Variants in ANK3 observed in about 807,000 individuals in gnomAD.
ANK3 encodes the protein ankyrin-3.
ANK3 carries 57 observed loss-of-function variants against 370.9 expected under a neutral mutation model. That is an observed-to-expected ratio of 0.15 (90% CI 0.12 to 0.19). The LOEUF is 0.19. ANK3 is among the 10% of genes least tolerant of loss of function. ANK3 has a pLI of 1.00. For missense variants in ANK3, 4,439 were observed against 5,302.1 expected (o/e 0.84, Z 5.06); for synonymous variants, 1,929 against 1,946.3 (o/e 0.99, Z 0.23).
chr10:60,036,422 ATTTTTTTTTTTTTTTTT>A (rs563946588), intron 43 of ANK3, among the ~76,000 whole-genome samples: 5 of 72,310 alleles, frequency 6.9e-5, no homozygotes, highest in African/African-American at 1.4e-4. Flanking sequence ...GTCAGAGGCA[ATTTTTTTTTTTTTTTTT>A]TTTTTTTTTT....
At chr10:60,715,214 A>AGTGT (rs2079766581) in intron 1 of ANK3, among the ~76,000 whole-genome samples, 2 of 44,176 alleles carry the variant, frequency 4.5e-5, no homozygotes, top group African/African-American at 1.7e-4. Flanking sequence ...TACATATACA[A>AGTGT]ATGTGTGTGT....
chr10:60,350,116 G>A (rs560721583), intron 1 of ANK3, among the ~76,000 whole-genome samples: 1 of 152,322 alleles, frequency 6.6e-6, no homozygotes, highest in East Asian at 1.9e-4. Flanking sequence ...ATAATGCTTT[G>A]TCCTTGATTT....
At chr10:60,425,181 G>T (rs145281522) in intron 2 of ANK3, among the ~76,000 whole-genome samples, 41 of 152,156 alleles carry the variant, frequency 2.7e-4, no homozygotes, top group African/African-American at 7.7e-4. Context: ...AGGTAGGAAG[G>T]CTGCATTGTT....
Position 60,042,678 on chromosome 10 carries a change from T to C in ANK3, c.*13A>G. 1 of 1,613,918 alleles carries C rather than the reference T, an allele frequency of 6.2e-7. No homozygotes were observed. The highest frequency in any genetic ancestry group is 8.5e-7 in the Non-Finnish European group (1 of 1,179,906). On this transcript the variant is annotated 3_prime_UTR_variant, in exon 43 of 44. Coordinates refer to ENST00000280772, the MANE Select transcript of ANK3 (RefSeq NM_020987.5). The stretch of plus-strand genomic sequence containing the variant: ...TGATATGAACACACCTCACCTTGAC[T>C]GACCGTTCGCTGTTACGAGTGGCTC...
chr10:60,560,066 T>C, intron 2 of ANK3, among the ~76,000 whole-genome samples: 1 of 150,194 alleles, frequency 6.7e-6, no homozygotes, highest in East Asian at 1.9e-4. Flanking sequence ...GATAGATGGA[T>C]AGAGAGAGAG....
intron 1 of ANK3, among the ~76,000 whole-genome samples, chr10:60,623,364 T>G (rs2078364574): frequency 6.6e-6 from 1 of 152,170 alleles, no homozygotes; most frequent in Admixed American, 6.6e-5. Context: ...TAAGCTTTTT[T>G]GACAGTGAGG....
chr10:60,208,359 A>G lies in ANK3; in HGVS notation c.997-126T>C, dbSNP rs896889268. ...CACATGAAAATACCTTCTATTTGTAAAAGCTTTTGACAACTATTTTGAACT... is the reference window on the plus strand; with the variant it reads ...CACATGAAAATACCTTCTATTTGTAGAAGCTTTTGACAACTATTTTGAACT... On this transcript the variant is annotated intron_variant, in intron 9 of 43. Transcript: ENST00000280772. 25 of 826,100 alleles carry G rather than the reference A, an allele frequency of 3.0e-5. No homozygotes were observed. In the African/African-American group the frequency reaches 3.6e-4, roughly 12 times the overall value. 51.2% of individuals were successfully genotyped at this position (826,100 alleles called of 1,614,324 possible).
chr10:60,049,002 T>G (rs1589236652), intron 42 of ANK3, among the ~76,000 whole-genome samples: 1 of 152,148 alleles, frequency 6.6e-6, no homozygotes, highest in African/African-American at 2.4e-5. Flanking sequence ...TCTTTTCCAT[T>G]AGAAAGATAG....
intron 8 of ANK3, among the ~76,000 whole-genome samples, chr10:60,233,296 G>A (rs535432910): frequency 6.6e-6 from 1 of 152,244 alleles, no homozygotes; most frequent in South Asian, 2.1e-4. Context: ...ACCTAAGTCA[G>A]CTAGCTAAGT....
At position 60,073,364 on chromosome 10, in the gene ANK3, AT is replaced by A; in HGVS notation, c.7516del (p.Ile2506Ter). ...AATTTCTTTTTTGGGGGCAGTGGCTATTTTTTCTCTGGACCGCTTATCAGAC... is the reference window on the plus strand; with the variant it reads ...AATTTCTTTTTTGGGGGCAGTGGCTATTTTTCTCTGGACCGCTTATCAGAC... ...QGSDKRSREK[I>X]ATAPKKEILS... On this transcript the variant is annotated frameshift_variant, in exon 37 of 44. Transcript: ENST00000280772. LOFTEE classifies it high-confidence loss of function. 6.2e-7 allele frequency: 1 copy of A among 1,613,592 alleles called. No homozygotes were observed. Among genetic ancestry groups the A allele is most frequent in the Non-Finnish European group, 8.5e-7 (1 of 1,179,934 alleles).
chr10:60,080,013 G>C (rs556917910), intron 36 of ANK3, among the ~76,000 whole-genome samples: 2 of 151,912 alleles, frequency 1.3e-5, no homozygotes, highest in Non-Finnish European at 2.9e-5. Flanking sequence ...GGAAGTGAGA[G>C]GGAGGGAGGG....
At chr10:60,660,326 G>A (rs2078919974) in intron 1 of ANK3, among the ~76,000 whole-genome samples, 1 of 152,096 alleles carries the variant, frequency 6.6e-6, no homozygotes, top group Non-Finnish European at 1.5e-5. Flanking sequence ...TAGGCACTAA[G>A]GATGCAGAGA....
At chr10:60,038,576 T>A (rs1376695070) in intron 43 of ANK3, among the ~76,000 whole-genome samples, 1 of 152,092 alleles carries the variant, frequency 6.6e-6, no homozygotes, top group Admixed American at 6.6e-5. Context: ...GAGAAAATAT[T>A]TGCAAACTAT....
At chr10:60,695,615 C>A (rs1326899799) in intron 1 of ANK3, among the ~76,000 whole-genome samples, 1 of 152,188 alleles carries the variant, frequency 6.6e-6, no homozygotes, top group East Asian at 1.9e-4. Flanking sequence ...AACTGCTCAA[C>A]TACATGGAAA....
chr10:60,248,476 A>G (rs1004266529), intron 7 of ANK3, among the ~76,000 whole-genome samples: 2 of 152,240 alleles, frequency 1.3e-5, no homozygotes, highest in African/African-American at 4.8e-5. Flanking sequence ...CTAAAGATTG[A>G]CATAGTAAAT....
chr10:60,170,190 T>C (rs1319172440), intron 21 of ANK3, among the ~76,000 whole-genome samples: 1 of 152,222 alleles, frequency 6.6e-6, no homozygotes, highest in African/African-American at 2.4e-5. Flanking sequence ...TGGTATGCTG[T>C]TTTGATTGTA....
chr10:60,242,825 TTTTC>T (rs1339028459), intron 7 of ANK3, among the ~76,000 whole-genome samples: 9 of 152,226 alleles, frequency 5.9e-5, no homozygotes, highest in Non-Finnish European at 4.4e-5. Context: ...TATCGAATGT[TTTTC>T]TTTATTTTAC....
chr10:60,674,678 G>A (rs1324587899), intron 1 of ANK3, among the ~76,000 whole-genome samples: 1 of 152,096 alleles, frequency 6.6e-6, no homozygotes, highest in African/African-American at 2.4e-5. Context: ...CCCAAGTCAA[G>A]ATATTAAAAA....
intron 10 of ANK3, among the ~76,000 whole-genome samples, chr10:60,207,696 A>G (rs1054374199): frequency 7.2e-5 from 11 of 152,198 alleles, no homozygotes; most frequent in Non-Finnish European, 1.6e-4. Flanking sequence ...CCTTGTTTTC[A>G]GATCTCAGAA....
Sources: allele counts gnomAD v4.1 joint callset (sites outside exome capture counted in the v4.1 genomes callset), GRCh38; gene constraint gnomAD v4.1.1; transcripts MANE v1.5; gene names NCBI Gene and HGNC (gene_info 2026-07-23, HGNC 2026-07-21).